Variants in KCNK3 observed in about 807,000 individuals in gnomAD.
KCNK3 encodes potassium two pore domain channel subfamily K member 3, also known as potassium channel subfamily K member 3.
Under a neutral mutation model 27.3 loss-of-function variants are expected in KCNK3, and 9 were observed. The observed-to-expected ratio is 0.33, with a 90% CI of 0.20 to 0.57. KCNK3 has a LOEUF of 0.57. Ranked by LOEUF, KCNK3 falls within the 20% of genes least tolerant of loss-of-function variation. The pLI is 0.87. For synonymous variants in KCNK3, 278 were observed against 273.8 expected (o/e 1.02, Z -0.15); for missense variants, 391 against 577.7 (o/e 0.68, Z 3.31).
At chr2:26,720,721 G>C (rs752337334) in intron 1 of KCNK3, among the ~76,000 whole-genome samples, 4 of 152,158 alleles carry the variant, frequency 2.6e-5, no homozygotes, top group African/African-American at 4.8e-5. Flanking sequence ...TGGGGGTAGT[G>C]GGGGGAAGAG....
At chr2:26,719,691 G>A (rs1663292044) in intron 1 of KCNK3, among the ~76,000 whole-genome samples, 1 of 152,130 alleles carries the variant, frequency 6.6e-6, no homozygotes, top group Non-Finnish European at 1.5e-5. Context: ...TTGAGGTCAG[G>A]GACCTCATCA....
At chr2:26,715,971 C>A (rs1433641248) in intron 1 of KCNK3, among the ~76,000 whole-genome samples, 1 of 152,194 alleles carries the variant, frequency 6.6e-6, no homozygotes, top group Non-Finnish European at 1.5e-5. Flanking sequence ...CTCTGAAAGC[C>A]CACAATCCTA....
chr2:26,727,519 C>T (rs1663443239), intron 1 of KCNK3, 148 bp from the exon 2 acceptor site: 6 of 1,007,262 alleles, frequency 6.0e-6, no homozygotes, highest in Non-Finnish European at 8.7e-6. Context: ...GGGCCTAGCA[C>T]AGTGCGTGGG....
intron 1 of KCNK3, among the ~76,000 whole-genome samples, chr2:26,720,439 G>C (rs1663307696): frequency 6.6e-6 from 1 of 152,194 alleles, no homozygotes; most frequent in South Asian, 2.1e-4. Context: ...GGCAGGCCTG[G>C]CTCTAGGCCA....
intron 1 of KCNK3, among the ~76,000 whole-genome samples, chr2:26,702,788 G>A (rs1252639292): frequency 2.0e-5 from 3 of 152,102 alleles, no homozygotes; most frequent in Admixed American, 6.5e-5. Context: ...GGGCTGGCTT[G>A]GCAAATTTGA....
chr2:26,713,400 A>G (rs1412184399), intron 1 of KCNK3, among the ~76,000 whole-genome samples: 1 of 152,164 alleles, frequency 6.6e-6, no homozygotes, highest in African/African-American at 2.4e-5. Context: ...CTTACTGGCC[A>G]GGAAACCCCC....
In KCNK3 at chr2:26,693,994, G is replaced by C. The variant is rs1201607879; in HGVS notation, c.283+836G>C. Among the ~76,000 whole-genome samples the C allele has an allele frequency of 1.3e-5, 2 of 152,054 alleles. No individual in the cohort carries two copies. The highest frequency in any genetic ancestry group is 2.1e-4 in the South Asian group (1 of 4,814). ...ACACACACACAGAGAGAGAGACAGA[G>C]AGAGAGAGAGAGAACAAACGTTGCC... On this transcript the variant is annotated intron_variant, in intron 1 of 1. Transcript: ENST00000302909. The surrounding 1 kb of genome is among the most constrained non-coding windows in gnomAD (Gnocchi z 5.5).
intron 1 of KCNK3, among the ~76,000 whole-genome samples, chr2:26,718,592 A>C (rs1475765922): frequency 6.6e-6 from 1 of 151,602 alleles, no homozygotes; most frequent in East Asian, 1.9e-4. Flanking sequence ...GTGTGTACTC[A>C]TACAAAATGT....
rs1359780951 is a variant in KCNK3 at position 26,733,228 on chromosome 2, G to T, written c.*4660G>T. The T allele has an allele frequency of 6.6e-6, 1 of 152,230 alleles. No individual in the cohort carries two copies. Among genetic ancestry groups the T allele is most frequent in the African/African-American group, 2.4e-5 (1 of 41,468 alleles). The allele number at this position is 152,230 out of a possible 1,614,324, so 9.4% of individuals were successfully genotyped here. ...TCGGGGTGAGCATCAGATGGAAATAGAAGTTTCCGGGGGCCAAGAGAGAAA... is the reference window on the plus strand; with the variant it reads ...TCGGGGTGAGCATCAGATGGAAATATAAGTTTCCGGGGGCCAAGAGAGAAA... On this transcript the variant is annotated 3_prime_UTR_variant, in exon 2 of 2. Transcript: ENST00000302909.
At chr2:26,694,890 C>G (rs1198187106) in intron 1 of KCNK3, among the ~76,000 whole-genome samples, 1 of 152,132 alleles carries the variant, frequency 6.6e-6, no homozygotes, top group Non-Finnish European at 1.5e-5. Flanking sequence ...CCCATGGTCC[C>G]CAGCTTCATA....
intron 1 of KCNK3, among the ~76,000 whole-genome samples, chr2:26,713,786 A>C (rs908864762): frequency 6.7e-6 from 1 of 150,194 alleles, no homozygotes; most frequent in African/African-American, 2.4e-5. Context: ...TCAAAAAAAA[A>C]AAAAAAGGGC....
At chr2:26,715,178 A>G (rs532899296) in intron 1 of KCNK3, among the ~76,000 whole-genome samples, 2 of 152,368 alleles carry the variant, frequency 1.3e-5, no homozygotes, top group East Asian at 3.9e-4. Flanking sequence ...GTGGGCTTGA[A>G]TGAGTCATGG....
intron 1 of KCNK3, among the ~76,000 whole-genome samples, chr2:26,707,187 C>T (rs1337564933): frequency 1.3e-5 from 2 of 152,194 alleles, no homozygotes; most frequent in Non-Finnish European, 2.9e-5. Flanking sequence ...ACAGCGAGTC[C>T]ACTGCCCCAG....
In KCNK3 at chr2:26,728,511, G is replaced by A. The variant is rs760241147; in HGVS notation, c.1128G>A (p.Thr376=). 7 of 1,508,716 alleles carry A rather than the reference G, an allele frequency of 4.6e-6. No individual in the cohort carries two copies. The highest frequency in any genetic ancestry group is 5.3e-6 in the Non-Finnish European group (6 of 1,126,004). The allele number at this position is 1,508,716 out of a possible 1,614,324, so 93.5% of individuals were successfully genotyped here. A position where few individuals can be genotyped will look rare whatever the true frequency, so the allele number is the denominator to read the frequency against. Residue 376 remains threonine, a synonymous_variant, in exon 2 of 2, where the codon ACG becomes ACA. Transcript: ENST00000302909. Reference sequence around the variant, plus strand: ...GCTCCGCCATCAGCTCGGTGTCCACGGGTCTGCACAGCCTGTCCACCTTCC... The same window carrying A: ...GCTCCGCCATCAGCTCGGTGTCCACAGGTCTGCACAGCCTGTCCACCTTCC... ...APRSAISSVS[T]GLHSLSTFRG...
Position 26,693,874 on chromosome 2 carries a change from G to A in KCNK3, c.283+716G>A, listed in dbSNP as rs1354979845. 3.9e-5 allele frequency among the ~76,000 whole-genome samples: 6 copies of A among 151,986 alleles called. No homozygotes were observed. The highest frequency in any genetic ancestry group is 7.3e-5 in the African/African-American group (3 of 41,364). ...CAGATCACCATGTAGGAGGCCACAC[G>A]TACACCCAGACTGTCAGACAACACA... is the stretch of plus-strand genomic sequence containing the variant. On this transcript the variant is annotated intron_variant, in intron 1 of 1. Coordinates refer to ENST00000302909, the MANE Select transcript of KCNK3 (RefSeq NM_002246.3). The surrounding 1 kb of genome is among the most constrained non-coding windows in gnomAD (Gnocchi z 5.5).
chr2:26,722,314 A>C, intron 1 of KCNK3, among the ~76,000 whole-genome samples: 1 of 152,274 alleles, frequency 6.6e-6, no homozygotes, highest in Non-Finnish European at 1.5e-5. Context: ...AACACTGATC[A>C]TAGAATGTTG....
Position 26,693,916 on chromosome 2 carries a change from C to T in KCNK3, c.283+758C>T, listed in dbSNP as rs1670202193. 3.3e-5 allele frequency among the ~76,000 whole-genome samples: 5 copies of T among 152,186 alleles called. No homozygotes were observed. In the South Asian group the frequency reaches 1.0e-3, roughly 32 times the overall value. On this transcript the variant is annotated intron_variant, in intron 1 of 1. Coordinates refer to ENST00000302909, the MANE Select transcript of KCNK3 (RefSeq NM_002246.3). This position sits in a 1 kb window ranked among gnomAD's most constrained non-coding sequence, Gnocchi z 5.5. ...GACAACACAGGCATAGGCACACATG[C>T]ACACAGATACACACAGGCACTCACA...
intron 1 of KCNK3, among the ~76,000 whole-genome samples, chr2:26,694,830 C>T (rs1670215152): frequency 6.6e-6 from 1 of 152,120 alleles, no homozygotes; most frequent in African/African-American, 2.4e-5. Context: ...CCTCTCTCTC[C>T]CTCTTTTCCA....
intron 1 of KCNK3, chr2:26,724,689 G>GC: frequency 1.2e-6 from 1 of 831,146 alleles, no homozygotes; most frequent in Non-Finnish European, 1.5e-6. Context: ...CTGTGGTGGA[G>GC]CATGAGGTGC....
Sources: gnomAD v4.1 joint callset for allele counts (sites outside exome capture counted in the v4.1 genomes callset) on GRCh38, gnomAD v4.1.1 for gene constraint, Gnocchi (gnomAD v3.1) non-coding constraint, MANE v1.5 for transcripts, NCBI Gene and HGNC (gene_info 2026-07-23, HGNC 2026-07-21) for gene names.